The following BICC1 variants were observed in gnomAD, a reference collection of about 807,000 sequenced individuals.
The protein encoded by BICC1 is protein bicaudal C homolog 1.
BICC1 carries 43 observed loss-of-function variants against 111.0 expected under a neutral mutation model. That is an observed-to-expected ratio of 0.39 (90% confidence interval 0.30 to 0.50). The LOEUF is 0.50. BICC1 is among the 20% of genes least tolerant of loss of function. BICC1 has a pLI of 0.88. For missense variants in BICC1, 1,091 were observed against 1,203.2 expected, an observed-to-expected ratio of 0.91 and a Z score of 1.38; for synonymous variants, 467 against 434.4, an observed-to-expected ratio of 1.07 and a Z score of -0.93.
At chr10:58,613,238 A>G (rs1237684362) in intron 1 of BICC1, among the ~76,000 whole-genome samples, 1 of 152,202 alleles carries the variant, frequency 6.6e-6, no homozygotes. Context: ...GGCAGGAATA[A>G]TCCAGGGTTT....
At chr10:58,782,133 AT>A (rs1842899343) in intron 3 of BICC1, among the ~76,000 whole-genome samples, 1 of 151,976 alleles carries the variant, frequency 6.6e-6, no homozygotes, top group South Asian at 2.1e-4. Flanking sequence ...TTTGCTTTTT[AT>A]TTTGCTTGTT....
chr10:58,734,024 A>C (rs1028261055), intron 3 of BICC1, among the ~76,000 whole-genome samples: 1 of 152,246 alleles, frequency 6.6e-6, no homozygotes, highest in Admixed American at 6.5e-5. Flanking sequence ...TGCCCTAGGT[A>C]GTGTAACATA....
intron 2 of BICC1, among the ~76,000 whole-genome samples, chr10:58,668,021 T>TA (rs1257426768): frequency 1.3e-5 from 2 of 152,018 alleles, no homozygotes; most frequent in Non-Finnish European, 2.9e-5. Flanking sequence ...GTAAATTTTT[T>TA]AAAAAACATA....
intron 3 of BICC1, among the ~76,000 whole-genome samples, chr10:58,757,414 G>A (rs1318649490): frequency 6.6e-6 from 1 of 152,072 alleles, no homozygotes; most frequent in Non-Finnish European, 1.5e-5. Context: ...TGTTTCTACT[G>A]GAAAATGCAC....
At chr10:58,720,005 C>G (rs1237243616) in intron 3 of BICC1, among the ~76,000 whole-genome samples, 1 of 152,074 alleles carries the variant, frequency 6.6e-6, no homozygotes, top group Non-Finnish European at 1.5e-5. Context: ...ATTAAACATC[C>G]CTCTCTTATG....
At chr10:58,804,242 A>T (rs1188622316) in intron 15 of BICC1, among the ~76,000 whole-genome samples, 1 of 152,198 alleles carries the variant, frequency 6.6e-6, no homozygotes, top group African/African-American at 2.4e-5. Context: ...AAGGCCGGGC[A>T]CAGTGGCTCA....
intron 17 of BICC1, among the ~76,000 whole-genome samples, chr10:58,810,068 G>T (rs2132921880): frequency 6.6e-6 from 1 of 152,336 alleles, no homozygotes; most frequent in Middle Eastern, 3.4e-3. Context: ...CAAGAACCTA[G>T]TATAATTGTG....
At chr10:58,768,112 G>C (rs535162198) in intron 3 of BICC1, among the ~76,000 whole-genome samples, 1 of 152,224 alleles carries the variant, frequency 6.6e-6, no homozygotes, top group East Asian at 1.9e-4. Context: ...TCCTCAGGCA[G>C]GTTCAACCAA....
intron 2 of BICC1, among the ~76,000 whole-genome samples, chr10:58,649,882 C>T (rs529510754): frequency 6.6e-6 from 1 of 152,204 alleles, no homozygotes; most frequent in Admixed American, 6.5e-5. Context: ...GCTTCCAAGA[C>T]CATGCTATCA....
At chr10:58,701,461 G>A (rs754881022) in intron 2 of BICC1, among the ~76,000 whole-genome samples, 3 of 152,096 alleles carry the variant, frequency 2.0e-5, no homozygotes, top group Non-Finnish European at 4.4e-5. Context: ...AGACCTCCTA[G>A]ACAGTGTTAG....
chr10:58,586,962 G>GCT (rs1844451653), intron 1 of BICC1, among the ~76,000 whole-genome samples: 2 of 152,184 alleles, frequency 1.3e-5, no homozygotes, highest in Non-Finnish European at 2.9e-5. Context: ...GAGACACAGG[G>GCT]ATTAGTTAGC....
At chr10:58,541,339 T>TA (rs1314771043) in intron 1 of BICC1, among the ~76,000 whole-genome samples, 2 of 152,088 alleles carry the variant, frequency 1.3e-5, no homozygotes, top group Non-Finnish European at 2.9e-5. Flanking sequence ...CTAGAACTAA[T>TA]AAACAAATTT....
intron 1 of BICC1, among the ~76,000 whole-genome samples, chr10:58,554,185 C>T (rs1029080191): frequency 1.3e-5 from 2 of 152,002 alleles, no homozygotes; most frequent in Admixed American, 6.6e-5. Context: ...ATATTAAATT[C>T]TTAAGGAGTT....
intron 2 of BICC1, among the ~76,000 whole-genome samples, chr10:58,672,061 G>T (rs1839200898): frequency 6.6e-6 from 1 of 151,972 alleles, no homozygotes; most frequent in African/African-American, 2.4e-5. Flanking sequence ...ATTTTTTAAG[G>T]TTTAGTTTTT....
intron 2 of BICC1, among the ~76,000 whole-genome samples, chr10:58,680,325 A>G (rs1839478942): frequency 2.0e-5 from 3 of 152,240 alleles, no homozygotes; most frequent in Admixed American, 2.0e-4. Context: ...GCTGATAAGC[A>G]GCTTCAGCAA....
At chr10:58,693,238 A>G (rs1839967161) in intron 2 of BICC1, among the ~76,000 whole-genome samples, 1 of 152,026 alleles carries the variant, frequency 6.6e-6, no homozygotes, top group Non-Finnish European at 1.5e-5. Flanking sequence ...TATGTGCCAC[A>G]TTTTCTTAAT....
At chr10:58,793,450 T>A in intron 8 of BICC1, 34 bp from the exon 9 acceptor site, 1 of 1,573,432 alleles carries the variant, frequency 6.4e-7, no homozygotes, top group Non-Finnish European at 8.7e-7. Flanking sequence ...ATTAAATTTT[T>A]ACCTCCTACA....
chr10:58,542,269 G>C (rs1176553244), intron 1 of BICC1, among the ~76,000 whole-genome samples: 1 of 151,838 alleles, frequency 6.6e-6, no homozygotes, highest in East Asian at 1.9e-4. Flanking sequence ...AGATGCCAAG[G>C]CTACTAGTAG....
intron 2 of BICC1, among the ~76,000 whole-genome samples, chr10:58,695,782 T>C (rs1169437805): frequency 2.0e-5 from 3 of 152,224 alleles, no homozygotes; most frequent in African/African-American, 7.2e-5. Flanking sequence ...TTGGTAGATA[T>C]GTTCTCTTTC....
Sources: allele counts gnomAD v4.1 joint callset (sites outside exome capture counted in the v4.1 genomes callset), GRCh38; gene constraint gnomAD v4.1.1; transcripts MANE v1.5; gene names NCBI Gene and HGNC (gene_info 2026-07-23, HGNC 2026-07-21).